DRC11: variants seen among roughly 807,000 people sequenced by gnomAD.
The protein encoded by DRC11 is dynein regulatory complex subunit 11, also known as IQ and AAA domain-containing protein 1.
chr2:236,469,136 G>T, the DRC11 span, among the ~76,000 whole-genome samples: 1 of 152,190 alleles, frequency 6.6e-6, no homozygotes, highest in South Asian at 2.1e-4. This position sits in a 1 kb window ranked among gnomAD's most constrained non-coding sequence, Gnocchi z 5.8. Flanking sequence ...CCTTGGCATG[G>T]TTCCCATCTT....
chr2:236,340,715 G>A, the DRC11 span, among the ~76,000 whole-genome samples: 1 of 152,194 alleles, frequency 6.6e-6, no homozygotes, highest in African/African-American at 2.4e-5. Context: ...ATGGCAGTGT[G>A]ATCCCTGCCC....
the DRC11 span, among the ~76,000 whole-genome samples, chr2:236,448,673 C>T: frequency 1.3e-5 from 2 of 151,898 alleles, no homozygotes; most frequent in African/African-American, 4.8e-5. The surrounding 1 kb of genome is among the most constrained non-coding windows in gnomAD (Gnocchi z 5.3). Context: ...AGGACACAGG[C>T]TCTGAGGAGG....
chr2:236,497,376 T>G, the DRC11 span: 3 of 1,613,950 alleles, frequency 1.9e-6, no homozygotes, highest in South Asian at 3.3e-5. The surrounding 1 kb of genome is among the most constrained non-coding windows in gnomAD (Gnocchi z 5.1). Context: ...AGGTGGCTAA[T>G]GTTTGAAAGA....
the DRC11 span, among the ~76,000 whole-genome samples, chr2:236,374,836 G>A: frequency 1.7e-4 from 25 of 151,126 alleles, no homozygotes; most frequent in South Asian, 3.2e-3. Context: ...GATTACAGGC[G>A]CGTGCCACCA....
the DRC11 span, among the ~76,000 whole-genome samples, chr2:236,342,679 C>T: frequency 6.6e-6 from 1 of 152,160 alleles, no homozygotes. The surrounding 1 kb of genome is among the most constrained non-coding windows in gnomAD (Gnocchi z 5.8). Context: ...TTTCCTCCCC[C>T]GCTCCTCTCC....
the DRC11 span, among the ~76,000 whole-genome samples, chr2:236,495,447 G>A: frequency 3.6e-4 from 55 of 152,318 alleles, 3 homozygotes; most frequent in African/African-American, 1.2e-3. This position sits in a 1 kb window ranked among gnomAD's most constrained non-coding sequence, Gnocchi z 5.6. Context: ...TCCATGATGC[G>A]TTTCATGTCC....
At chr2:236,369,660 G>T in the DRC11 span, among the ~76,000 whole-genome samples, 1 of 152,196 alleles carries the variant, frequency 6.6e-6, no homozygotes, top group Non-Finnish European at 1.5e-5. The surrounding 1 kb of genome is among the most constrained non-coding windows in gnomAD (Gnocchi z 4.5). Flanking sequence ...ATATTCAGTT[G>T]AATTAGTGGG....
At chr2:236,418,618 C>A in the DRC11 span, among the ~76,000 whole-genome samples, 1 of 150,870 alleles carries the variant, frequency 6.6e-6, no homozygotes, top group Admixed American at 6.6e-5. Context: ...TCCACCTCCG[C>A]TTCCAACCCC....
the DRC11 span, among the ~76,000 whole-genome samples, chr2:236,415,148 ATCC>A: frequency 2.0e-4 from 30 of 152,224 alleles, no homozygotes; most frequent in African/African-American, 4.6e-4. This position sits in a 1 kb window ranked among gnomAD's most constrained non-coding sequence, Gnocchi z 5.7. Context: ...AGATAGGATT[ATCC>A]TATCTAATCC....
the DRC11 span, among the ~76,000 whole-genome samples, chr2:236,348,386 C>G: frequency 4.6e-5 from 7 of 152,192 alleles, 1 homozygote; most frequent in Admixed American, 3.9e-4. This position sits in a 1 kb window ranked among gnomAD's most constrained non-coding sequence, Gnocchi z 7.4. Context: ...GCTAGAGCAG[C>G]AAGGGCAGGA....
chr2:236,322,966 T>G, the DRC11 span, among the ~76,000 whole-genome samples: 1 of 152,238 alleles, frequency 6.6e-6, no homozygotes, highest in Admixed American at 6.5e-5. Context: ...TGGATGGTGC[T>G]CTAAAGCATA....
chr2:236,418,516 A>T, the DRC11 span, among the ~76,000 whole-genome samples: 247 of 152,298 alleles, frequency 1.6e-3, no homozygotes, highest in African/African-American at 5.6e-3. Flanking sequence ...TTTCTCATAG[A>T]AAGTGTTTAT....
chr2:236,488,614 G>T, the DRC11 span, among the ~76,000 whole-genome samples: 1 of 151,948 alleles, frequency 6.6e-6, no homozygotes, highest in African/African-American at 2.4e-5. Flanking sequence ...TATATATGAA[G>T]TAAAATGCTG....
chr2:236,400,248 TTCCC>T, the DRC11 span, among the ~76,000 whole-genome samples: 2 of 152,134 alleles, frequency 1.3e-5, no homozygotes, highest in Non-Finnish European at 2.9e-5. This position sits in a 1 kb window ranked among gnomAD's most constrained non-coding sequence, Gnocchi z 7.9. Context: ...CCCTGCTTCC[TTCCC>T]GGAGCCAGAG....
the DRC11 span, among the ~76,000 whole-genome samples, chr2:236,401,854 T>A: frequency 6.6e-6 from 1 of 152,094 alleles, no homozygotes; most frequent in Non-Finnish European, 1.5e-5. The surrounding 1 kb of genome is among the most constrained non-coding windows in gnomAD (Gnocchi z 4.6). Flanking sequence ...CTTCACTGCA[T>A]CCCTCGTGAT....
chr2:236,460,824 G>C, the DRC11 span, among the ~76,000 whole-genome samples: 1 of 151,974 alleles, frequency 6.6e-6, no homozygotes, highest in African/African-American at 2.4e-5. This position sits in a 1 kb window ranked among gnomAD's most constrained non-coding sequence, Gnocchi z 4.0. Context: ...GTGAATTCTC[G>C]GCTCACTGCA....
At chr2:236,428,062 T>C in the DRC11 span, among the ~76,000 whole-genome samples, 1 of 152,190 alleles carries the variant, frequency 6.6e-6, no homozygotes, top group Admixed American at 6.5e-5. Context: ...CCTTTTATTG[T>C]TCCTGGTTTC....
the DRC11 span, chr2:236,441,130 G>T: frequency 6.5e-7 from 1 of 1,544,362 alleles, no homozygotes. Context: ...AATTTCTGCA[G>T]GAAAAAAAAT....
chr2:236,483,840 A>C, the DRC11 span, among the ~76,000 whole-genome samples: 1 of 152,244 alleles, frequency 6.6e-6, no homozygotes, highest in African/African-American at 2.4e-5. The surrounding 1 kb of genome is among the most constrained non-coding windows in gnomAD (Gnocchi z 4.8). Context: ...ACTTAATACC[A>C]CTGGCAAAAC....
Sources: gnomAD v4.1 joint callset for allele counts (sites outside exome capture counted in the v4.1 genomes callset) on GRCh38, gnomAD v4.1.1 for gene constraint, Gnocchi (gnomAD v3.1) non-coding constraint, MANE v1.5 for transcripts, NCBI Gene and HGNC (gene_info 2026-07-23, HGNC 2026-07-21) for gene names.